Variants in PDE10A observed in about 807,000 individuals in gnomAD.
PDE10A encodes the protein cAMP and cAMP-inhibited cGMP 3',5'-cyclic phosphodiesterase 10A.
In PDE10A, 39 loss-of-function variants were observed where a neutral mutation model predicts 97.7. The observed-to-expected ratio is 0.40, with a 90% CI of 0.31 to 0.52. The LOEUF is 0.52. Ranked by LOEUF, PDE10A falls within the 20% of genes least tolerant of loss-of-function variation. The pLI, the probability that PDE10A is intolerant of heterozygous loss-of-function variation, is 0.56. For missense variants in PDE10A, 731 were observed against 1,047.8 expected, an observed-to-expected ratio of 0.70 and a Z score of 4.17; for synonymous variants, 371 against 376.8, an observed-to-expected ratio of 0.98 and a Z score of 0.18.
At chr6:165,499,280 A>T (rs1228376048) in intron 2 of PDE10A, among the ~76,000 whole-genome samples, 2 of 152,230 alleles carry the variant, frequency 1.3e-5, no homozygotes, top group Non-Finnish European at 2.9e-5. Context: ...TCCTGCCTCA[A>T]GTACACTTAC....
chr6:165,395,097 G>T, intron 15 of PDE10A, 84 bp downstream of exon 15: 1 of 748,494 alleles, frequency 1.3e-6, no homozygotes, highest in Non-Finnish European at 2.3e-6. Flanking sequence ...TACAAACAAA[G>T]ATCGTGGTGA....
At chr6:165,423,698 T>C (rs1394693487) in intron 10 of PDE10A, among the ~76,000 whole-genome samples, 1 of 152,030 alleles carries the variant, frequency 6.6e-6, no homozygotes, top group East Asian at 1.9e-4. Context: ...AAACCCCGTT[T>C]CTACTAAAAT....
At chr6:165,942,303 T>TAC (rs35207313) in intron 1 of PDE10A, among the ~76,000 whole-genome samples, 77,739 of 150,634 alleles carry the variant, frequency 0.52, 21,180 homozygotes, top group African/African-American at 0.7. Flanking sequence ...TATATATATA[T>TAC]ACACACACAT....
chr6:165,626,308 G>T (rs1272342088), intron 1 of PDE10A, among the ~76,000 whole-genome samples: 1 of 152,190 alleles, frequency 6.6e-6, no homozygotes, highest in Non-Finnish European at 1.5e-5. Context: ...TAGATGTTAA[G>T]ATTTCCATTC....
chr6:165,969,267 T>C (rs2128500423), intron 1 of PDE10A, among the ~76,000 whole-genome samples: 1 of 152,340 alleles, frequency 6.6e-6, no homozygotes, highest in East Asian at 1.9e-4. Flanking sequence ...TTCTTCTTCC[T>C]CTTCCCCTGA....
intron 1 of PDE10A, among the ~76,000 whole-genome samples, chr6:165,580,883 G>GT (rs1181986986): frequency 4.0e-5 from 6 of 150,654 alleles, no homozygotes; most frequent in African/African-American, 9.8e-5. Flanking sequence ...AAAGAAGATG[G>GT]TAAGTCTCCT....
intron 1 of PDE10A, among the ~76,000 whole-genome samples, chr6:165,580,923 C>G (rs191871345): frequency 6.6e-6 from 1 of 151,434 alleles, no homozygotes; most frequent in African/African-American, 2.4e-5. Context: ...GGTAAGTCTC[C>G]AACCCAATGA....
intron 1 of PDE10A, among the ~76,000 whole-genome samples, chr6:165,967,561 T>G (rs1010406933): frequency 4.6e-5 from 7 of 152,226 alleles, no homozygotes; most frequent in Admixed American, 1.3e-4. Context: ...GGTTTTTTCT[T>G]AAACAATCGA....
intron 3 of PDE10A, among the ~76,000 whole-genome samples, chr6:165,461,750 C>A (rs1778340048): frequency 6.6e-6 from 1 of 152,236 alleles, no homozygotes; most frequent in African/African-American, 2.4e-5. Context: ...AATGCAATAT[C>A]TAATGCTAGA....
chr6:165,758,511 A>AAGAAGAC (rs1554317294), intron 1 of PDE10A, among the ~76,000 whole-genome samples: 907 of 32,890 alleles, frequency 0.028, 6 homozygotes, highest in Non-Finnish European at 0.073. Context: ...AGAAAGAAGA[A>AAGAAGAC]AGAAGAAGAA....
intron 1 of PDE10A, among the ~76,000 whole-genome samples, chr6:165,765,071 T>C (rs113028709): frequency 0.1 from 15,609 of 150,168 alleles, 974 homozygotes; most frequent in South Asian, 0.19. Flanking sequence ...GATTGGTGCA[T>C]TCACAAACCC....
At chr6:165,353,707 AG>A (rs1782844448) in intron 18 of PDE10A, among the ~76,000 whole-genome samples, 1 of 152,226 alleles carries the variant, frequency 6.6e-6, no homozygotes. Context: ...TAAAAGGATC[AG>A]GGATTGCCAG....
At chr6:165,713,612 G>A (rs1029291180) in intron 1 of PDE10A, among the ~76,000 whole-genome samples, 3 of 152,154 alleles carry the variant, frequency 2.0e-5, no homozygotes, top group Non-Finnish European at 4.4e-5. Flanking sequence ...CGACAAAGAA[G>A]ATCATTGGAG....
intron 1 of PDE10A, among the ~76,000 whole-genome samples, chr6:165,912,305 A>G (rs1782485923): frequency 6.6e-6 from 1 of 152,134 alleles, no homozygotes; most frequent in African/African-American, 2.4e-5. Flanking sequence ...TATGGTTCAC[A>G]TTTGTGAAGG....
chr6:165,478,522 A>G (rs552451594), intron 3 of PDE10A, among the ~76,000 whole-genome samples: 2 of 152,226 alleles, frequency 1.3e-5, no homozygotes, highest in African/African-American at 4.8e-5. Flanking sequence ...TTTTGTAGCT[A>G]TAAGACATCA....
intron 1 of PDE10A, among the ~76,000 whole-genome samples, chr6:165,751,757 T>C (rs1217588324): frequency 6.6e-6 from 1 of 152,168 alleles, no homozygotes. Flanking sequence ...TGGCAATGAC[T>C]CGGAAGTTAC....
intron 2 of PDE10A, among the ~76,000 whole-genome samples, chr6:165,500,901 G>A (rs1029064007): frequency 2.0e-5 from 3 of 152,274 alleles, no homozygotes; most frequent in Admixed American, 6.5e-5. Flanking sequence ...ACGGCACCCA[G>A]ATGTTTGGAT....
intron 2 of PDE10A, among the ~76,000 whole-genome samples, chr6:165,527,980 C>T (rs998880575): frequency 2.3e-4 from 35 of 152,184 alleles, no homozygotes; most frequent in East Asian, 1.2e-3. Context: ...CCCTAGAGGA[C>T]GGCGGTGAAG....
intron 1 of PDE10A, among the ~76,000 whole-genome samples, chr6:165,558,131 G>T (rs191894883): frequency 6.6e-6 from 1 of 152,248 alleles, no homozygotes; most frequent in Non-Finnish European, 1.5e-5. Flanking sequence ...TATAAATCAT[G>T]CTGCTATAAA....
Sources: gnomAD v4.1 joint callset for allele counts (sites outside exome capture counted in the v4.1 genomes callset) on GRCh38, gnomAD v4.1.1 for gene constraint, MANE v1.5 for transcripts, NCBI Gene and HGNC (gene_info 2026-07-23, HGNC 2026-07-21) for gene names.